PCDH15: variants seen among roughly 807,000 people sequenced by gnomAD.
PCDH15 encodes protocadherin-15.
A neutral mutation model predicts 178.5 loss-of-function variants in PCDH15; 129 were observed. The observed-to-expected ratio is 0.72, with a 90% CI of 0.63 to 0.84. The LOEUF is 0.84. Ranked by LOEUF, PCDH15 falls within the 40% of genes least tolerant of loss-of-function variation. The pLI is 0.00. For synonymous variants in PCDH15, 800 were observed against 732.0 expected, an observed-to-expected ratio of 1.09 and a Z score of -1.50; for missense variants, 2,230 against 2,099.9, an observed-to-expected ratio of 1.06 and a Z score of -1.21.
chr10:54,405,554 G>A (rs1952537184), intron 3 of PCDH15, among the ~76,000 whole-genome samples: 1 of 151,650 alleles, frequency 6.6e-6, no homozygotes, highest in Non-Finnish European at 1.5e-5. Context: ...GTGGGAGGAG[G>A]GTGAGGATCA....
Position 53,888,282 on chromosome 10 carries a change from C to CTATATATA in PCDH15, c.3501+14953_3501+14960dup, listed in dbSNP as rs201647527. ...TTGGATACAAATAAACATTCCAACACTATATATACATATATATATATATAT... is the reference window on the plus strand; with the variant it reads ...TTGGATACAAATAAACATTCCAACACTATATATATATATATACATATATATATATATAT... On this transcript the variant is annotated intron_variant, in intron 26 of 37. Transcript: ENST00000644397. Among the ~76,000 whole-genome samples, 17 of 95,390 alleles carry CTATATATA rather than the reference C, an allele frequency of 1.8e-4. 1 individual carries two copies. The highest frequency in any genetic ancestry group is 6.8e-3 in the Middle Eastern group (1 of 148). The allele number at this position is 95,390 out of a possible 152,430, so 62.6% of individuals were successfully genotyped here. A position where few individuals can be genotyped will look rare whatever the true frequency, so the allele number is the denominator to read the frequency against.
chr10:54,722,796 C>A (rs538025806), intron 1 of PCDH15, among the ~76,000 whole-genome samples: 1 of 151,326 alleles, frequency 6.6e-6, no homozygotes, highest in Non-Finnish European at 1.5e-5. Context: ...TTTAAAATAG[C>A]TGCAAAAAAT....
At chr10:54,188,187 T>C (rs1564633842) in intron 11 of PCDH15, among the ~76,000 whole-genome samples, 1 of 151,906 alleles carries the variant, frequency 6.6e-6, no homozygotes, top group Non-Finnish European at 1.5e-5. Flanking sequence ...TAAACTTAAA[T>C]TCCTTCTTGT....
intron 21 of PCDH15, among the ~76,000 whole-genome samples, chr10:53,983,973 G>A (rs185259439): frequency 1.1e-4 from 17 of 151,910 alleles, no homozygotes; most frequent in Non-Finnish European, 2.1e-4. Context: ...ATACTTCAGG[G>A]CCTGATTCTT....
chr10:53,929,581 T>C (rs764012206), intron 25 of PCDH15, among the ~76,000 whole-genome samples: 2 of 152,078 alleles, frequency 1.3e-5, no homozygotes, highest in Non-Finnish European at 2.9e-5. Flanking sequence ...GGGATACTTT[T>C]GTTTTAAGTC....
chr10:54,662,438 T>A (rs907725860), intron 2 of PCDH15, among the ~76,000 whole-genome samples: 1 of 151,978 alleles, frequency 6.6e-6, no homozygotes, highest in Non-Finnish European at 1.5e-5. Context: ...TAAACTGTGT[T>A]AGTATAGTAC....
At chr10:53,841,947 G>GGA (rs1355707120) in intron 28 of PCDH15, among the ~76,000 whole-genome samples, 22 of 100,906 alleles carry the variant, frequency 2.2e-4, no homozygotes, top group African/African-American at 7.2e-4. Context: ...TCTCCAAAGG[G>GGA]AAAAAAAAAA....
chr10:54,588,241 G>A (rs2091635836), intron 2 of PCDH15, among the ~76,000 whole-genome samples: 1 of 152,130 alleles, frequency 6.6e-6, no homozygotes, highest in African/African-American at 2.4e-5. Context: ...CTTCTATTAT[G>A]TATGTTTCTG....
At chr10:54,057,847 A>T (rs1270242444) in intron 18 of PCDH15, among the ~76,000 whole-genome samples, 1 of 152,154 alleles carries the variant, frequency 6.6e-6, no homozygotes, top group Non-Finnish European at 1.5e-5. Flanking sequence ...TTCTTCTGCT[A>T]GATATCCTGA....
intron 3 of PCDH15, among the ~76,000 whole-genome samples, chr10:54,840,429 G>T (rs1591733943): frequency 6.6e-6 from 1 of 151,688 alleles, no homozygotes; most frequent in Non-Finnish European, 1.5e-5. Flanking sequence ...TAACCACAAA[G>T]AAGTTTCTAG....
intron 16 of PCDH15, among the ~76,000 whole-genome samples, chr10:54,082,819 C>G (rs534477530): frequency 2.0e-5 from 3 of 150,278 alleles, no homozygotes; most frequent in Non-Finnish European, 3.0e-5. Context: ...AAAAAAACAA[C>G]GCATATAACT....
chr10:55,367,767 G>A (rs545425765), intron 2 of PCDH15, among the ~76,000 whole-genome samples: 1 of 152,238 alleles, frequency 6.6e-6, no homozygotes, highest in African/African-American at 2.4e-5. Flanking sequence ...GAAGTCCCTA[G>A]TTAGAGAAAA....
At chr10:55,587,834 G>C (rs1472027542) in intron 2 of PCDH15, among the ~76,000 whole-genome samples, 1 of 152,120 alleles carries the variant, frequency 6.6e-6, no homozygotes, top group Non-Finnish European at 1.5e-5. Context: ...CTTGAGGCCT[G>C]GGTCTGAAAG....
At chr10:54,449,333 G>A (rs1415972244) in intron 3 of PCDH15, among the ~76,000 whole-genome samples, 1 of 151,750 alleles carries the variant, frequency 6.6e-6, no homozygotes, top group Admixed American at 6.6e-5. Context: ...CAGGGGTGGT[G>A]TAGAGTTGCC....
intron 1 of PCDH15, among the ~76,000 whole-genome samples, chr10:55,274,943 ACCT>A (rs1842548502): frequency 6.6e-6 from 1 of 152,058 alleles, no homozygotes; most frequent in Non-Finnish European, 1.5e-5. Context: ...CCTGTTGCTC[ACCT>A]CCTGCTGTGC....
chr10:53,822,743 T>A (rs1231967235), intron 32 of PCDH15: 1 of 1,614,048 alleles, frequency 6.2e-7, no homozygotes. Context: ...GAAAGCAAAA[T>A]GAAGAGTCTG....
At chr10:54,510,211 T>C (rs1420624486) in intron 3 of PCDH15, among the ~76,000 whole-genome samples, 1 of 152,182 alleles carries the variant, frequency 6.6e-6, no homozygotes, top group Non-Finnish European at 1.5e-5. Context: ...CTAAAGAAGT[T>C]AGTGGTAAAG....
intron 34 of PCDH15, among the ~76,000 whole-genome samples, chr10:53,817,134 G>GGATA (rs1389876089): frequency 6.6e-6 from 1 of 151,568 alleles, no homozygotes; most frequent in Non-Finnish European, 1.5e-5. Context: ...TTGACTGAAG[G>GGATA]GATATCCTTT....
At chr10:55,510,818 T>TTA (rs888448229) in intron 2 of PCDH15, among the ~76,000 whole-genome samples, 3 of 149,526 alleles carry the variant, frequency 2.0e-5, no homozygotes, top group African/African-American at 7.3e-5. Flanking sequence ...TTCATTTATT[T>TTA]TATATATATA....
Sources: allele counts gnomAD v4.1 joint callset (sites outside exome capture counted in the v4.1 genomes callset), GRCh38; gene constraint gnomAD v4.1.1; transcripts MANE v1.5; gene names NCBI Gene and HGNC (gene_info 2026-07-23, HGNC 2026-07-21).